Variants in FNIP2 observed in about 807,000 individuals in gnomAD.
The protein encoded by FNIP2 is folliculin-interacting protein 2.
Under a neutral mutation model 108.7 loss-of-function variants are expected in FNIP2, and 32 were observed. That is an observed-to-expected ratio of 0.29 (90% confidence interval 0.22 to 0.40). The LOEUF (loss-of-function observed/expected upper bound fraction) is 0.40. Ranked by LOEUF, FNIP2 falls within the 10% of genes least tolerant of loss-of-function variation. The pLI is 1.00. For synonymous variants in FNIP2, 480 were observed against 496.7 expected, an observed-to-expected ratio of 0.97 and a Z score of 0.45; for missense variants, 1,202 against 1,381.6, an observed-to-expected ratio of 0.87 and a Z score of 2.06.
chr4:158,875,086 C>CAA (rs922681852), intron 14 of FNIP2, among the ~76,000 whole-genome samples: 4 of 107,058 alleles, frequency 3.7e-5, no homozygotes, highest in African/African-American at 7.6e-5. Flanking sequence ...GAGACTGTCT[C>CAA]AAAAAAAAAA....
At position 158,772,425 on chromosome 4, in the gene FNIP2, A is replaced by G. The variant is rs6825267; in HGVS notation, c.107+3106A>G. Among the ~76,000 whole-genome samples, 471 of 152,278 alleles carry G rather than the reference A, an allele frequency of 3.1e-3. 1 individual carries two copies. The highest frequency in any genetic ancestry group is 0.01 in the African/African-American group (429 of 41,552). ...GTTTTTTTCTCCATGTCTTTTGTAA[A>G]TTAATGGAGCAGTTTCAAACCCCTA... is the stretch of plus-strand genomic sequence containing the variant. On this transcript the variant is annotated intron_variant, in intron 1 of 16. Transcript: ENST00000264433.
chr4:158,782,723 G>T (rs984141192), intron 1 of FNIP2, among the ~76,000 whole-genome samples: 2 of 152,106 alleles, frequency 1.3e-5, no homozygotes, highest in African/African-American at 4.8e-5. Context: ...AAAGGGAGAG[G>T]GTTGGAAAAA....
intron 1 of FNIP2, among the ~76,000 whole-genome samples, chr4:158,824,949 G>A (rs936989628): frequency 6.6e-6 from 1 of 152,160 alleles, no homozygotes; most frequent in Non-Finnish European, 1.5e-5. Flanking sequence ...CTTCAATCTG[G>A]AAATCTGAAG....
intron 7 of FNIP2, among the ~76,000 whole-genome samples, chr4:158,844,365 A>G (rs992509858): frequency 6.6e-6 from 1 of 152,206 alleles, no homozygotes; most frequent in Non-Finnish European, 1.5e-5. Context: ...GGTTCTTTTC[A>G]TATAGGATGT....
At chr4:158,806,306 G>A in intron 1 of FNIP2, 1 of 1,289,410 alleles carries the variant, frequency 7.8e-7, no homozygotes, top group Non-Finnish European at 1.0e-6. Context: ...GACTCTGCCA[G>A]ATGTGTGAGT....
chr4:158,841,701 C>T (rs1779142718), intron 7 of FNIP2, among the ~76,000 whole-genome samples: 1 of 152,188 alleles, frequency 6.6e-6, no homozygotes, highest in Non-Finnish European at 1.5e-5. Context: ...GGGAGGCTGT[C>T]ATGATAGTTT....
intron 8 of FNIP2, among the ~76,000 whole-genome samples, chr4:158,857,664 C>T (rs1780057697): frequency 6.6e-6 from 1 of 151,728 alleles, no homozygotes; most frequent in Non-Finnish European, 1.5e-5. Flanking sequence ...ATAAAATAGC[C>T]AGGTGCAGTG....
chr4:158,875,176 C>G (rs1056169234), intron 14 of FNIP2, among the ~76,000 whole-genome samples: 3 of 151,822 alleles, frequency 2.0e-5, no homozygotes, highest in African/African-American at 7.3e-5. Flanking sequence ...CTTGTCAATC[C>G]CAGGGGACTA....
chr4:158,836,185 C>T (rs1489656047), intron 7 of FNIP2: 2 of 152,202 alleles, frequency 1.3e-5, no homozygotes, highest in Non-Finnish European at 2.9e-5. Flanking sequence ...ATACATGACA[C>T]CTTCAACAAA....
chr4:158,776,427 A>C (rs112718322), intron 1 of FNIP2, among the ~76,000 whole-genome samples: 4,343 of 152,336 alleles, frequency 0.029, 89 homozygotes, highest in Non-Finnish European at 0.038. Flanking sequence ...CCTTATAAAT[A>C]CTTCAGACTG....
At chr4:158,858,113 G>T (rs531050298) in intron 8 of FNIP2, among the ~76,000 whole-genome samples, 4 of 152,202 alleles carry the variant, frequency 2.6e-5, no homozygotes, top group East Asian at 1.9e-4. Context: ...CTCATATTCT[G>T]CCCAGCATGA....
intron 1 of FNIP2, among the ~76,000 whole-genome samples, chr4:158,788,828 CT>C (rs1325937295): frequency 1.3e-5 from 2 of 152,242 alleles, no homozygotes; most frequent in Non-Finnish European, 2.9e-5. Flanking sequence ...TTTCCTGGCA[CT>C]TTGTTTTGTT....
At chr4:158,777,011 T>C (rs1775885075) in intron 1 of FNIP2, among the ~76,000 whole-genome samples, 1 of 152,180 alleles carries the variant, frequency 6.6e-6, no homozygotes, top group Non-Finnish European at 1.5e-5. Flanking sequence ...GTAAAAGTGC[T>C]CTAACAGTTG....
intron 1 of FNIP2, among the ~76,000 whole-genome samples, chr4:158,825,571 G>A (rs1236505488): frequency 1.3e-5 from 2 of 152,190 alleles, no homozygotes; most frequent in African/African-American, 4.8e-5. Flanking sequence ...CAGAACCCAG[G>A]CATCCAAATT....
chr4:158,793,551 A>T (rs940218423), intron 1 of FNIP2, among the ~76,000 whole-genome samples: 13 of 152,120 alleles, frequency 8.5e-5, no homozygotes, highest in Admixed American at 6.5e-4. Flanking sequence ...AGTTTAATGG[A>T]TGTTTTACTT....
chr4:158,816,756 G>C lies in FNIP2; in HGVS notation c.108-9160G>C, dbSNP rs78641401. 5.1e-3 allele frequency among the ~76,000 whole-genome samples: 757 copies of C among 148,096 alleles called. 5 individuals carry two copies. The highest frequency in any genetic ancestry group is 0.017 in the African/African-American group (673 of 39,826). On this transcript the variant is annotated intron_variant, in intron 1 of 16. Transcript: ENST00000264433. ...GCCGAGATTGCACCACTGCACTCCTGCCTGGGAGACAGAGTGAGACTCTGT... is the reference window on the plus strand; with the variant it reads ...GCCGAGATTGCACCACTGCACTCCTCCCTGGGAGACAGAGTGAGACTCTGT...
At chr4:158,854,327 C>G (rs1269066048) in intron 8 of FNIP2, among the ~76,000 whole-genome samples, 1 of 152,226 alleles carries the variant, frequency 6.6e-6, no homozygotes, top group Admixed American at 6.5e-5. Flanking sequence ...AGAGTCCCTC[C>G]TCTCTCCTCT....
At chr4:158,881,184 G>A (rs1036072327) in intron 14 of FNIP2, among the ~76,000 whole-genome samples, 5 of 143,912 alleles carry the variant, frequency 3.5e-5, no homozygotes, top group Admixed American at 2.0e-4. Flanking sequence ...CTCCCTCTCC[G>A]TCTCCCTCCA....
intron 8 of FNIP2, among the ~76,000 whole-genome samples, chr4:158,857,838 C>T (rs1213122668): frequency 6.6e-6 from 1 of 151,332 alleles, no homozygotes; most frequent in East Asian, 1.9e-4. Flanking sequence ...GTCCCAGCTA[C>T]TTGGGAGGCT....
Sources: allele counts gnomAD v4.1 joint callset (sites outside exome capture counted in the v4.1 genomes callset), GRCh38; gene constraint gnomAD v4.1.1; transcripts MANE v1.5; gene names NCBI Gene and HGNC (gene_info 2026-07-23, HGNC 2026-07-21).